Variants in ACKR3 observed in about 807,000 individuals in gnomAD.
The protein encoded by ACKR3 is C-X-C chemokine receptor type 7.
Under a neutral mutation model 22.4 loss-of-function variants are expected in ACKR3, and 6 were observed. The ratio of observed to expected loss-of-function variants is 0.27; its 90% confidence interval spans 0.15 to 0.53. The LOEUF is 0.53. Ranked by LOEUF, ACKR3 falls within the 20% of genes least tolerant of loss-of-function variation. ACKR3 has a pLI of 0.96. For missense variants in ACKR3, 396 were observed against 475.2 expected, an observed-to-expected ratio of 0.83 and a Z score of 1.55; for synonymous variants, 209 against 205.2, an observed-to-expected ratio of 1.02 and a Z score of -0.16.
the ACKR3 span, among the ~76,000 whole-genome samples, chr2:236,556,784 G>T: frequency 6.6e-6 from 1 of 152,202 alleles, no homozygotes; most frequent in Non-Finnish European, 1.5e-5. Flanking sequence ...CACCTCCCAG[G>T]TTCAAGTGAT....
chr2:236,544,426 C>T, the ACKR3 span, among the ~76,000 whole-genome samples: 2 of 152,158 alleles, frequency 1.3e-5, no homozygotes, highest in South Asian at 2.1e-4. The surrounding 1 kb of genome is among the most constrained non-coding windows in gnomAD (Gnocchi z 5.0). Flanking sequence ...TCATATGCAT[C>T]GTATGATCAG....
upstream of ACKR3, among the ~76,000 whole-genome samples, chr2:236,564,055 G>A (rs1288103759): frequency 1.3e-5 from 2 of 152,174 alleles, no homozygotes; most frequent in Non-Finnish European, 2.9e-5. Context: ...GGACCGAAAG[G>A]AAAACTCCAC....
At chr2:236,549,943 C>T in the ACKR3 span, among the ~76,000 whole-genome samples, 1 of 152,192 alleles carries the variant, frequency 6.6e-6, no homozygotes, top group South Asian at 2.1e-4. The surrounding 1 kb of genome is among the most constrained non-coding windows in gnomAD (Gnocchi z 5.3). Flanking sequence ...GAGGGAATTT[C>T]TAGCTGTCTG....
chr2:236,563,340 T>C (rs927040922), upstream of ACKR3, among the ~76,000 whole-genome samples: 3 of 152,164 alleles, frequency 2.0e-5, no homozygotes, highest in Non-Finnish European at 2.9e-5. Context: ...GGATGCAGCA[T>C]TGAATAGAAT....
upstream of ACKR3, among the ~76,000 whole-genome samples, chr2:236,563,790 A>T (rs1034362749): frequency 6.6e-6 from 1 of 152,112 alleles, no homozygotes; most frequent in African/African-American, 2.4e-5. Context: ...TACTGCCCAG[A>T]CTTGCGACTG....
chr2:236,571,113 G>A (rs982736616), intron 1 of ACKR3, among the ~76,000 whole-genome samples: 21 of 152,338 alleles, frequency 1.4e-4, no homozygotes, highest in African/African-American at 4.8e-4. Context: ...GGAGGCTGCT[G>A]GTTTCTGTGC....
At chr2:236,564,778 T>C (rs2106493798), upstream of ACKR3, among the ~76,000 whole-genome samples, 1 of 152,330 alleles carries the variant, frequency 6.6e-6, no homozygotes, top group East Asian at 1.9e-4. Context: ...GGTAAAAGCA[T>C]GTGCCATGAA....
the ACKR3 span, among the ~76,000 whole-genome samples, chr2:236,544,616 T>A: frequency 6.6e-6 from 1 of 151,996 alleles, no homozygotes. This position sits in a 1 kb window ranked among gnomAD's most constrained non-coding sequence, Gnocchi z 5.0. Flanking sequence ...TCGATGGGAA[T>A]AGGGACGAGC....
upstream of ACKR3, among the ~76,000 whole-genome samples, chr2:236,563,997 C>A (rs1691130070): frequency 6.6e-6 from 1 of 152,182 alleles, no homozygotes; most frequent in Admixed American, 6.5e-5. Context: ...AGAATAGGGT[C>A]TGGAGACAGG....
the ACKR3 span, among the ~76,000 whole-genome samples, chr2:236,551,919 G>T: frequency 6.6e-6 from 1 of 152,058 alleles, no homozygotes; most frequent in Non-Finnish European, 1.5e-5. Flanking sequence ...AAGTAGCCAC[G>T]GCCTCTGCTC....
rs116738526 is a variant in ACKR3, at chr2:236,577,031, G to A, written c.-26-3409G>A. 9.2e-3 allele frequency among the ~76,000 whole-genome samples: 1,396 copies of A among 152,326 alleles called. 34 individuals are homozygous for A. Among genetic ancestry groups the A allele is most frequent in the African/African-American group, 0.032 (1,322 of 41,576 alleles). ...GAAGGGAGAGGCCCGTCCAGGCCCC[G>A]AGAGGAAAGCAGGTGGTCAGGGTGT... On this transcript the variant is annotated intron_variant, in intron 1 of 1. Transcript: ENST00000272928. The surrounding 1 kb of genome is among the most constrained non-coding windows in gnomAD (Gnocchi z 5.6).
rs925646897 is a variant in ACKR3 at position 236,574,168 on chromosome 2, C to T, written c.-27+4244C>T. Among the ~76,000 whole-genome samples the T allele has an allele frequency of 1.3e-5, 2 of 152,034 alleles. No homozygotes were observed. Among genetic ancestry groups the T allele is most frequent in the Admixed American group, 6.5e-5 (1 of 15,268 alleles). ...CTCACGTGCCCCAGAGCAGTGCCTC[C>T]TGGAACAAGAGGCTCAGTCCGTCAA... On this transcript the variant is annotated intron_variant, in intron 1 of 1. Coordinates refer to ENST00000272928, the MANE Select transcript of ACKR3 (RefSeq NM_020311.3). The surrounding 1 kb of genome is among the most constrained non-coding windows in gnomAD (Gnocchi z 5.6).
the ACKR3 span, among the ~76,000 whole-genome samples, chr2:236,556,685 C>T: frequency 6.6e-6 from 1 of 152,176 alleles, no homozygotes; most frequent in African/African-American, 2.4e-5. Context: ...ATACATCTGT[C>T]TTTTTGTTGC....
At chr2:236,578,870 AGGGAAAAACCGCT>A (rs1691465348) in intron 1 of ACKR3, among the ~76,000 whole-genome samples, 1 of 152,206 alleles carries the variant, frequency 6.6e-6, no homozygotes, top group South Asian at 2.1e-4. Flanking sequence ...TTTTTGCTGA[AGGGAAAAACCGCT>A]CCCTTAGGTG....
At chr2:236,570,805 G>T in intron 1 of ACKR3, among the ~76,000 whole-genome samples, 1 of 152,066 alleles carries the variant, frequency 6.6e-6, no homozygotes, top group East Asian at 1.9e-4. Context: ...AGAATGAGAA[G>T]TTGTAAAAGT....
At position 236,581,351 on chromosome 2, in the gene ACKR3, G is replaced by A. The variant is rs756008000; in HGVS notation, c.886G>A (p.Ala296Thr). The change falls in exon 2 of 2, where the codon GCC becomes ACC. Residue 296 changes from alanine to threonine, a missense_variant. Coordinates refer to ENST00000272928, the MANE Select transcript of ACKR3 (RefSeq NM_020311.3). The surrounding 1 kb of genome is among the most constrained non-coding windows in gnomAD (Gnocchi z 4.4). ...CCGGCTGGAGCACGCCCTCTTCACGGCCCTGCATGTCACACAGTGCCTGTC... is the reference window on the plus strand; with the variant it reads ...CCGGCTGGAGCACGCCCTCTTCACGACCCTGCATGTCACACAGTGCCTGTC... ...TCRLEHALFT[A>T]LHVTQCLSLV... 3.1e-6 allele frequency: 5 copies of A among 1,613,860 alleles called. No individual in the cohort carries two copies. The East Asian group carries it at 1.1e-4, about 36-fold the overall frequency.
the ACKR3 span, among the ~76,000 whole-genome samples, chr2:236,549,111 T>A: frequency 5.3e-5 from 8 of 152,354 alleles, no homozygotes; most frequent in Middle Eastern, 3.4e-3. This position sits in a 1 kb window ranked among gnomAD's most constrained non-coding sequence, Gnocchi z 5.3. Context: ...CAATATGAGA[T>A]AAGCTCTTCT....
intron 1 of ACKR3, among the ~76,000 whole-genome samples, chr2:236,575,990 C>G (rs1017472005): frequency 6.6e-6 from 1 of 152,230 alleles, no homozygotes; most frequent in Admixed American, 6.5e-5. Flanking sequence ...GCACCCCCTC[C>G]CCTTCCTTCC....
Position 236,580,495 on chromosome 2 carries a change from G to T in ACKR3, c.30G>T (p.Glu10Asp). Residue 10 changes from glutamate (E) to aspartate (D), a missense_variant, in exon 2 of 2, where the codon GAG becomes GAT. Physicochemically the swap from Glu to Asp is conservative, Grantham distance 45 (BLOSUM62 2). Coordinates refer to ENST00000272928, the MANE Select transcript of ACKR3 (RefSeq NM_020311.3). MDLHLFDYSEPGNFSDISWP... is the reference protein window; with the variant it reads MDLHLFDYSDPGNFSDISWP... ...ATCTGCATCTCTTCGACTACTCAGA[G>T]CCAGGGAACTTCTCGGACATCAGCT... is the stretch of plus-strand genomic sequence containing the variant. 1 of 1,613,926 alleles carries T rather than the reference G, an allele frequency of 6.2e-7. No homozygotes were observed. The highest frequency in any genetic ancestry group is 8.5e-7 in the Non-Finnish European group (1 of 1,179,762).
Sources: gnomAD v4.1 joint callset for allele counts (sites outside exome capture counted in the v4.1 genomes callset) on GRCh38, gnomAD v4.1.1 for gene constraint, Gnocchi (gnomAD v3.1) non-coding constraint, MANE v1.5 for transcripts, NCBI Gene and HGNC (gene_info 2026-07-23, HGNC 2026-07-21) for gene names.